Variants in DOCK2 observed in about 807,000 individuals in gnomAD.
DOCK2 encodes dedicator of cytokinesis protein 2.
A neutral mutation model predicts 248.9 loss-of-function variants in DOCK2; 87 were observed. That is an observed-to-expected ratio of 0.35 (90% CI 0.29 to 0.42). The LOEUF (loss-of-function observed/expected upper bound fraction) is 0.42, where lower values mean the gene tolerates loss of function less well. DOCK2 is among the 10% of genes least tolerant of loss of function. DOCK2 has a pLI of 1.00. For missense variants in DOCK2, 1,747 were observed against 2,300.2 expected (o/e 0.76, Z 4.92); for synonymous variants, 805 against 821.6 (o/e 0.98, Z 0.35).
At position 169,783,594 on chromosome 5, in the gene DOCK2, C is replaced by A. The variant is rs939774930; in HGVS notation, c.2555-19464C>A. On this transcript the variant is annotated intron_variant, in intron 25 of 51. Coordinates refer to ENST00000520908, the MANE Select transcript of DOCK2 (RefSeq NM_004946.3). ...ATTATTCATTAATAATTATTATACC[C>A]ATTTTTATTATCAGTTTGAAGTTAG... Among the ~76,000 whole-genome samples the A allele has an allele frequency of 2.6e-5, 4 of 151,924 alleles. No individual in the cohort carries two copies. The East Asian group carries it at 7.7e-4, about 29-fold the overall frequency.
chr5:169,958,188 T>G (rs1207081255), intron 27 of DOCK2, among the ~76,000 whole-genome samples: 3 of 151,428 alleles, frequency 2.0e-5, no homozygotes, highest in African/African-American at 7.3e-5. Flanking sequence ...AATGAGGGCC[T>G]GGCTAAATGG....
intron 27 of DOCK2, among the ~76,000 whole-genome samples, chr5:169,958,132 A>T (rs1198758559): frequency 1.3e-5 from 2 of 152,188 alleles, no homozygotes; most frequent in Non-Finnish European, 2.9e-5. Flanking sequence ...ACATAGAAGG[A>T]CAAAACACAG....
chr5:169,644,776 T>C (rs1293776330), intron 1 of DOCK2, among the ~76,000 whole-genome samples: 1 of 152,102 alleles, frequency 6.6e-6, no homozygotes, highest in African/African-American at 2.4e-5. Flanking sequence ...TTTGTCCTAA[T>C]GCTCTCCCTT....
chr5:169,747,345 A>T, intron 22 of DOCK2, 51 bp from the exon 23 acceptor site: 1 of 1,541,076 alleles, frequency 6.5e-7, no homozygotes, highest in South Asian at 1.2e-5. Flanking sequence ...ACACACTTTT[A>T]AAAGTATTGT....
At chr5:169,988,280 T>A (rs1383186464) in intron 29 of DOCK2, among the ~76,000 whole-genome samples, 1 of 152,066 alleles carries the variant, frequency 6.6e-6, no homozygotes, top group African/African-American at 2.4e-5. Context: ...TAACATTTAT[T>A]AAGTACCGAG....
rs6869558 is a variant in DOCK2 at position 169,764,773 on chromosome 5, C to G, written c.2554+3148C>G. On this transcript the variant is annotated intron_variant, in intron 25 of 51. Coordinates refer to ENST00000520908, the MANE Select transcript of DOCK2 (RefSeq NM_004946.3). The surrounding 1 kb of genome is among the most constrained non-coding windows in gnomAD (Gnocchi z 4.3). The stretch of plus-strand genomic sequence containing the variant: ...CAACTACATGGTTTTCCTCAGGGTC[C>G]GAGAGACACAGGACCTAATGAATAA... 4.6e-5 allele frequency among the ~76,000 whole-genome samples: 7 copies of G among 152,008 alleles called. No homozygotes were observed. The highest frequency in any genetic ancestry group is 1.3e-4 in the Admixed American group (2 of 15,262).
intron 36 of DOCK2, among the ~76,000 whole-genome samples, chr5:170,037,409 A>G (rs1756357079): frequency 6.6e-6 from 1 of 151,860 alleles, no homozygotes; most frequent in Non-Finnish European, 1.5e-5. Flanking sequence ...CATCATTTAT[A>G]TAGCCAATCC....
chr5:170,071,524 A>C (rs1236975076), intron 46 of DOCK2, among the ~76,000 whole-genome samples: 1 of 152,172 alleles, frequency 6.6e-6, no homozygotes, highest in African/African-American at 2.4e-5. Context: ...CTTTCTGAAG[A>C]CTTTCTATTT....
At chr5:169,846,353 C>A (rs114486680) in intron 27 of DOCK2, among the ~76,000 whole-genome samples, 1 of 152,084 alleles carries the variant, frequency 6.6e-6, no homozygotes, top group Non-Finnish European at 1.5e-5. Context: ...TAGGGCTTTG[C>A]GATGACCATT....
chr5:170,056,384 C>T (rs1254722982), intron 42 of DOCK2: 2 of 260,140 alleles, frequency 7.7e-6, no homozygotes, highest in East Asian at 1.5e-4. Context: ...TTGCAGATCA[C>T]AGGAAATCAT....
intron 27 of DOCK2, among the ~76,000 whole-genome samples, chr5:169,877,677 T>G (rs940253496): frequency 1.3e-5 from 2 of 152,096 alleles, no homozygotes; most frequent in African/African-American, 4.8e-5. Flanking sequence ...ATAGATAGAT[T>G]GATATAGATA....
In DOCK2 at chr5:169,684,294, G is replaced by A. The variant is rs1342947672; in HGVS notation, c.705G>A (p.Gly235=). 13 of 1,614,002 alleles carry A rather than the reference G, an allele frequency of 8.1e-6. No homozygotes were observed. Among genetic ancestry groups the A allele is most frequent in the Non-Finnish European group, 1.1e-5 (13 of 1,180,020 alleles). The part of the protein sequence containing the change: ...VFVRNFVCRI[G]EDAELFMSLY... ...TGAGAAACTTTGTGTGCAGAATTGGGGAAGATGCTGAGCTCTTCATGTCTC... is the reference window on the plus strand; with the variant it reads ...TGAGAAACTTTGTGTGCAGAATTGGAGAAGATGCTGAGCTCTTCATGTCTC... Residue 235 remains glycine (G), a synonymous_variant, in exon 8 of 52, where the codon GGG becomes GGA. Coordinates refer to ENST00000520908, the MANE Select transcript of DOCK2 (RefSeq NM_004946.3).
At chr5:169,991,241 C>T (rs112562897) in intron 29 of DOCK2, among the ~76,000 whole-genome samples, 1,550 of 152,318 alleles carry the variant, frequency 0.01, 40 homozygotes, top group East Asian at 0.081. Flanking sequence ...TCGGCTGCCT[C>T]CTGACACCAG....
At chr5:169,750,794 C>G (rs1426386611) in intron 23 of DOCK2, among the ~76,000 whole-genome samples, 1 of 152,126 alleles carries the variant, frequency 6.6e-6, no homozygotes, top group Non-Finnish European at 1.5e-5. Flanking sequence ...GAAAAGTTAT[C>G]GAAGAAGAAT....
At position 170,008,765 on chromosome 5, in the gene DOCK2, C is replaced by A. The variant is rs1755164345; in HGVS notation, c.3232+19C>A. The A allele has an allele frequency of 1.2e-6, 2 of 1,613,776 alleles. No homozygotes were observed. Among genetic ancestry groups the A allele is most frequent in the Non-Finnish European group, 1.7e-6 (2 of 1,179,792 alleles). The stretch of plus-strand genomic sequence containing the variant: ...AAGCTTGGTGAGTAGGCACACACAT[C>A]CAGATACTCACATCTGCAGGCACCA... On this transcript the variant is annotated intron_variant, in intron 32 of 51. Transcript: ENST00000520908.
intron 25 of DOCK2, among the ~76,000 whole-genome samples, chr5:169,779,664 G>A (rs756597081): frequency 7.2e-5 from 11 of 152,138 alleles, no homozygotes; most frequent in East Asian, 1.9e-4. Context: ...CTCCCTGTCC[G>A]TCTCTGTCTG....
Position 169,681,709 on chromosome 5 carries a change from C to T in DOCK2, c.471-35C>T, listed in dbSNP as rs202043672. 1.6e-3 allele frequency: 2,634 copies of T among 1,608,298 alleles called. 12 individuals are homozygous for T. The highest frequency in any genetic ancestry group is 2.4e-3 in the Admixed American group (144 of 59,276). Reference sequence around the variant, plus strand: ...CTCACCAGTGACCTAAAGTTCTCCCCTGATTTGTCTTCACCTCCAGTTTTT... The same window carrying T: ...CTCACCAGTGACCTAAAGTTCTCCCTTGATTTGTCTTCACCTCCAGTTTTT... On this transcript the variant is annotated intron_variant, in intron 6 of 51. Transcript: ENST00000520908.
Position 169,840,853 on chromosome 5 carries a change from G to A in DOCK2, c.2799+1G>A. ...CATGGGCCGGGATCACATTCTGATT[G>A]TGAGTGGATTATTTCTTCTTGTCAA... On this transcript the variant is annotated splice_donor_variant, in intron 27 of 51. Coordinates refer to ENST00000520908, the MANE Select transcript of DOCK2 (RefSeq NM_004946.3). LOFTEE classifies it high-confidence loss of function. 1 of 1,613,674 alleles carries A rather than the reference G, an allele frequency of 6.2e-7. No homozygotes were observed. The highest frequency in any genetic ancestry group is 8.5e-7 in the Non-Finnish European group (1 of 1,179,856).
intron 27 of DOCK2, among the ~76,000 whole-genome samples, chr5:169,939,314 C>A (rs1776135051): frequency 6.6e-6 from 1 of 152,042 alleles, no homozygotes; most frequent in South Asian, 2.1e-4. Flanking sequence ...CTGTCTTCCA[C>A]CTCCACATCT....
Sources: allele counts gnomAD v4.1 joint callset (sites outside exome capture counted in the v4.1 genomes callset), GRCh38; gene constraint gnomAD v4.1.1; non-coding constraint Gnocchi (gnomAD v3.1); transcripts MANE v1.5; gene names NCBI Gene and HGNC (gene_info 2026-07-23, HGNC 2026-07-21).